The following AKAP11 variants were observed in gnomAD, a reference collection of about 807,000 sequenced individuals.
The protein encoded by AKAP11 is A-kinase anchor protein 11.
A neutral mutation model predicts 146.1 loss-of-function variants in AKAP11; 36 were observed. The ratio of observed to expected loss-of-function variants is 0.25; its 90% confidence interval spans 0.19 to 0.33. The LOEUF (loss-of-function observed/expected upper bound fraction) is 0.33, where lower values mean the gene tolerates loss of function less well. AKAP11 is among the 10% of genes least tolerant of loss of function. The pLI, the probability that AKAP11 is intolerant of heterozygous loss-of-function variation, is 1.00. For missense variants in AKAP11, 2,201 were observed against 2,197.0 expected, an observed-to-expected ratio of 1.00 and a Z score of -0.04; for synonymous variants, 780 against 786.5, an observed-to-expected ratio of 0.99 and a Z score of 0.14.
At chr13:42,317,240 A>G (rs1960865259) in intron 11 of AKAP11, among the ~76,000 whole-genome samples, 2 of 152,346 alleles carry the variant, frequency 1.3e-5, no homozygotes, top group South Asian at 2.1e-4. Flanking sequence ...CCCACTGGTC[A>G]TAATTTATAT....
In AKAP11 at chr13:42,322,849, T is replaced by A. The variant is rs1167700423; in HGVS notation, c.*3621T>A. The stretch of plus-strand genomic sequence containing the variant: ...TAGTTCTAGAAGTTCTTATTTTGTT[T>A]TTGTTGTAATGTTTGAATACTATTT... On this transcript the variant is annotated 3_prime_UTR_variant, in exon 13 of 13. Transcript: ENST00000025301. 2 of 152,698 alleles carry A rather than the reference T, an allele frequency of 1.3e-5. No individual in the cohort carries two copies. The highest frequency in any genetic ancestry group is 1.3e-4 in the Admixed American group (2 of 15,270). The allele number at this position is 152,698 out of a possible 1,614,324, so 9.5% of individuals were successfully genotyped here. A position where few individuals can be genotyped will look rare whatever the true frequency, so the allele number is the denominator to read the frequency against.
chr13:42,287,325 C>T (rs890218071), intron 3 of AKAP11, among the ~76,000 whole-genome samples: 1 of 151,936 alleles, frequency 6.6e-6, no homozygotes, highest in African/African-American at 2.4e-5. Flanking sequence ...GCTCTGTTGC[C>T]CAGGCTGGAG....
intron 12 of AKAP11, among the ~76,000 whole-genome samples, chr13:42,318,263 T>C (rs1010147823): frequency 5.9e-5 from 9 of 152,252 alleles, no homozygotes; most frequent in African/African-American, 2.2e-4. Context: ...ATCAGAACTT[T>C]CCTTTTGGGG....
intron 12 of AKAP11, among the ~76,000 whole-genome samples, chr13:42,317,952 T>TA (rs952213572): frequency 6.6e-6 from 1 of 151,996 alleles, no homozygotes; most frequent in Admixed American, 6.5e-5. Context: ...AATATAATGT[T>TA]AAAAAAAATG....
Position 42,292,510 on chromosome 13 carries a change from T to C in AKAP11, c.168+9T>C. The stretch of plus-strand genomic sequence containing the variant: ...ATGCCAATTTAACTGAGGTTTAACA[T>C]ACTACTTTCTAAACCCTTTCCTAAT... On this transcript the variant is annotated intron_variant, in intron 4 of 12. Coordinates refer to ENST00000025301, the MANE Select transcript of AKAP11 (RefSeq NM_016248.4). 1 of 1,496,418 alleles carries C rather than the reference T, an allele frequency of 6.7e-7. No individual in the cohort carries two copies. The highest frequency in any genetic ancestry group is 9.2e-7 in the Non-Finnish European group (1 of 1,087,396). The allele number at this position is 1,496,418 out of a possible 1,614,324, so 92.7% of individuals were successfully genotyped here.
At chr13:42,279,195 C>G (rs1958999453) in intron 1 of AKAP11, among the ~76,000 whole-genome samples, 1 of 146,052 alleles carries the variant, frequency 6.8e-6, no homozygotes. Context: ...TTGGGAAGTT[C>G]TCTGCTATTT....
chr13:42,312,961 C>G (rs985905885), intron 9 of AKAP11, 86 bp from the exon 10 acceptor site: 1 of 1,116,144 alleles, frequency 9.0e-7, no homozygotes, highest in African/African-American at 1.6e-5. Context: ...CTGCAGTTAT[C>G]AAGGACAGAA....
intron 12 of AKAP11, 41 bp downstream of exon 12, chr13:42,317,729 G>T: frequency 6.3e-7 from 1 of 1,581,302 alleles, no homozygotes; most frequent in Non-Finnish European, 8.6e-7. Context: ...ACATTTAACA[G>T]TATATGATGT....
chr13:42,303,559 C>G lies in AKAP11; in HGVS notation c.4813C>G (p.His1605Asp), dbSNP rs201076033. The change falls in exon 8 of 13, where the codon CAC (histidine) becomes GAC (aspartate). Residue 1605 changes from histidine (H) to aspartate (D), a missense_variant. Transcript: ENST00000025301. ...LHNCTGNSSQ[H>D]FFRQGSLASS... ...CAATTGCACTGGAAATTCATCTCAG[C>G]ACTTTTTCAGACAGGGTTCTCTCGC... The G allele has an allele frequency of 4.6e-5, 75 of 1,614,098 alleles. No individual in the cohort carries two copies. Among genetic ancestry groups the G allele is most frequent in the South Asian group, 3.8e-4 (35 of 91,076 alleles).
In AKAP11 at chr13:42,300,992, A is replaced by C; in HGVS notation, c.2246A>C (p.Gln749Pro). 1.2e-6 allele frequency: 2 copies of C among 1,614,094 alleles called. No homozygotes were observed. Among genetic ancestry groups the C allele is most frequent in the Non-Finnish European group, 1.7e-6 (2 of 1,179,968 alleles). ...ACGTTTTCCCCTTCTTTTCACAATC[A>C]AGCAATTATGGTGACAAAACCAGTG... ...AVTFSPSFHN[Q>P]AIMVTKPVQE... Residue 749 changes from glutamine (Q) to proline (P), a missense_variant, in exon 8 of 13, where the codon CAA becomes CCA. Coordinates refer to ENST00000025301, the MANE Select transcript of AKAP11 (RefSeq NM_016248.4).
intron 4 of AKAP11, among the ~76,000 whole-genome samples, chr13:42,292,859 T>C (rs558513331): frequency 5.3e-5 from 8 of 152,342 alleles, no homozygotes; most frequent in South Asian, 4.1e-4. Flanking sequence ...ATGATTCTTA[T>C]GTTGATTTTT....
intron 12 of AKAP11, among the ~76,000 whole-genome samples, chr13:42,318,134 C>G (rs1023968996): frequency 4.6e-5 from 7 of 152,126 alleles, no homozygotes; most frequent in African/African-American, 1.7e-4. Flanking sequence ...TTTGTATGAG[C>G]AGCTGTCATA....
chr13:42,285,370 A>G (rs929775938), intron 1 of AKAP11, among the ~76,000 whole-genome samples: 17 of 152,250 alleles, frequency 1.1e-4, no homozygotes, highest in Non-Finnish European at 1.9e-4. Context: ...TGATAAGACC[A>G]GATTGATTTT....
intron 1 of AKAP11, among the ~76,000 whole-genome samples, chr13:42,275,596 TC>T (rs1284673951): frequency 6.6e-6 from 1 of 152,230 alleles, no homozygotes; most frequent in Non-Finnish European, 1.5e-5. Flanking sequence ...TTTGAGTTCT[TC>T]CTCTGGCATT....
intron 11 of AKAP11, 55 bp from the exon 12 acceptor site, chr13:42,317,473 T>C: frequency 6.6e-7 from 1 of 1,507,630 alleles, no homozygotes; most frequent in Non-Finnish European, 9.0e-7. Flanking sequence ...ACAACCAGAG[T>C]ATTGAGAGTT....
chr13:42,274,005 T>C (rs1034204758), intron 1 of AKAP11, among the ~76,000 whole-genome samples: 6 of 152,224 alleles, frequency 3.9e-5, no homozygotes, highest in African/African-American at 1.4e-4. Flanking sequence ...AATTCCTTCT[T>C]ACTCCATCTT....
chr13:42,283,394 TTTTATG>T (rs1445117887), intron 1 of AKAP11, among the ~76,000 whole-genome samples: 9 of 152,168 alleles, frequency 5.9e-5, no homozygotes, highest in Non-Finnish European at 8.8e-5. Flanking sequence ...GATTTTTTCT[TTTTATG>T]TATATTGTAT....
At chr13:42,291,511 T>C (rs779204113) in intron 3 of AKAP11, among the ~76,000 whole-genome samples, 51 of 152,316 alleles carry the variant, frequency 3.3e-4, no homozygotes, top group Middle Eastern at 3.4e-3. Context: ...CCTCCCAAAG[T>C]GCTGGGATTA....
chr13:42,292,060 G>A (rs1157694690), intron 3 of AKAP11, among the ~76,000 whole-genome samples: 3 of 152,178 alleles, frequency 2.0e-5, no homozygotes, highest in Admixed American at 6.6e-5. Flanking sequence ...CTACGCCAGT[G>A]ACTTGGAAAT....
Sources: allele counts gnomAD v4.1 joint callset (sites outside exome capture counted in the v4.1 genomes callset), GRCh38; gene constraint gnomAD v4.1.1; transcripts MANE v1.5; gene names NCBI Gene and HGNC (gene_info 2026-07-23, HGNC 2026-07-21).